KLHL33: variants seen among roughly 807,000 people sequenced by gnomAD.
KLHL33 encodes kelch like family member 33.
Under a neutral mutation model 60.8 loss-of-function variants are expected in KLHL33, and 46 were observed. The ratio of observed to expected loss-of-function variants is 0.76; its 90% CI spans 0.60 to 0.97. The LOEUF is 0.97. KLHL33 is among the 50% of genes least tolerant of loss of function. KLHL33 has a pLI of 0.00. For missense variants in KLHL33, 1,055 were observed against 1,000.0 expected, an observed-to-expected ratio of 1.05 and a Z score of -0.74; for synonymous variants, 434 against 432.2, an observed-to-expected ratio of 1.00 and a Z score of -0.05.
chr14:20,432,926 A>AAAAGAAAGAAGG (rs545614220), intron 2 of KLHL33, among the ~76,000 whole-genome samples: 24 of 104,744 alleles, frequency 2.3e-4, no homozygotes, highest in Non-Finnish European at 3.9e-4. Context: ...CATCTCAAAA[A>AAAAGAAAGAAGG]AAAGAAAGAA....
Position 20,426,516 on chromosome 14 carries a change from A to G in KLHL33, c.*2333T>C, listed in dbSNP as rs1416114441. ...TCTCAAAAAAAAAAAAAAAAAAAAG[A>G]AAAAGAAAATTGACAACAGGTGCTG... On this transcript the variant is annotated 3_prime_UTR_variant, in exon 5 of 5. Coordinates refer to ENST00000636854, the MANE Select transcript of KLHL33 (RefSeq NM_001365790.2). 1 of 150,326 alleles carries G rather than the reference A, an allele frequency of 6.7e-6. No individual in the cohort carries two copies. Among genetic ancestry groups the G allele is most frequent in the East Asian group, 1.9e-4 (1 of 5,176 alleles). 9.3% of individuals were successfully genotyped at this position (150,326 alleles called of 1,614,324 possible).
At position 20,435,395 on chromosome 14, in the gene KLHL33, T is replaced by A; in HGVS notation, c.417A>T (p.Arg139=). The part of the protein sequence containing the change: ...VILAAISSLF[R]DRLLGGGGPR... ...GACCTCCGCCGCCCAGCAGCCTGTCTCGGAAGAGGCTGCTGATTGCGGCCA... is the reference window on the plus strand; with the variant it reads ...GACCTCCGCCGCCCAGCAGCCTGTCACGGAAGAGGCTGCTGATTGCGGCCA... Residue 139 remains arginine (R), a synonymous_variant, in exon 2 of 5, where the codon CGA becomes CGT. Transcript: ENST00000636854. The A allele has an allele frequency of 8.1e-7, 1 of 1,234,312 alleles. No homozygotes were observed. Among genetic ancestry groups the A allele is most frequent in the Admixed American group, 4.2e-5 (1 of 23,730 alleles). 76.5% of individuals were successfully genotyped at this position (1,234,312 alleles called of 1,614,324 possible). A position where few individuals can be genotyped will look rare whatever the true frequency, so the allele number is the denominator to read the frequency against.
Position 20,430,669 on chromosome 14 carries a change from G to A in KLHL33, c.799C>T (p.Leu267=). ...CCCTGGGATTCCCTCATCCCGCTCA[G>A]GAGCATGGCCCCAAAGAACTCACTG... The part of the protein sequence containing the change: ...CGSEFFGAML[L]SGMRESQGTE... The change falls in exon 3 of 5, where the codon CTG becomes TTG. Residue 267 remains leucine (L), a synonymous_variant. Coordinates refer to ENST00000636854, the MANE Select transcript of KLHL33 (RefSeq NM_001365790.2). 1 of 1,534,320 alleles carries A rather than the reference G, an allele frequency of 6.5e-7. No individual in the cohort carries two copies. The highest frequency in any genetic ancestry group is 2.0e-5 in the Admixed American group (1 of 50,942).
intron 2 of KLHL33, among the ~76,000 whole-genome samples, chr14:20,431,719 C>T (rs1445700979): frequency 6.6e-6 from 1 of 152,218 alleles, no homozygotes. Context: ...GAGCGAGACT[C>T]CATCTCAAAA....
chr14:20,431,146 A>G (rs1351217237), intron 2 of KLHL33, among the ~76,000 whole-genome samples: 2 of 152,222 alleles, frequency 1.3e-5, no homozygotes, highest in Non-Finnish European at 2.9e-5. Flanking sequence ...CAAGCAACTT[A>G]TATAGGTCTG....
At position 20,429,305 on chromosome 14, in the gene KLHL33, T is replaced by C. The variant is rs1880405772; in HGVS notation, c.1938A>G (p.Gln646=). The C allele has an allele frequency of 1.3e-6, 2 of 1,551,682 alleles. No homozygotes were observed. The highest frequency in any genetic ancestry group is 1.7e-6 in the Non-Finnish European group (2 of 1,146,976). Residue 646 remains glutamine (Q), a synonymous_variant, in exon 5 of 5, where the codon CAA becomes CAG. Coordinates refer to ENST00000636854, the MANE Select transcript of KLHL33 (RefSeq NM_001365790.2). ...CATAGTGCATCAGTGAGGCCAGGTA[T>C]TGGCCAGTCCCACCACAGCCACCGC... The part of the protein sequence containing the change: ...YVSGGCGGTG[Q]YLASLMHYDP...
chr14:20,428,738 T>G lies in KLHL33; in HGVS notation c.*111A>C. 132 of 968,572 alleles carry G rather than the reference T, an allele frequency of 1.4e-4. No individual in the cohort carries two copies. Among genetic ancestry groups the G allele is most frequent in the Non-Finnish European group, 1.9e-4 (125 of 653,848 alleles). 60.0% of individuals were successfully genotyped at this position (968,572 alleles called of 1,614,324 possible). A position where few individuals can be genotyped will look rare whatever the true frequency, so the allele number is the denominator to read the frequency against. On this transcript the variant is annotated 3_prime_UTR_variant, in exon 5 of 5. Transcript: ENST00000636854. ...CAAAAGCAGTTTACAATGCACAGTG[T>G]GAGAATAAAATACTACCAAGAATAA...
chr14:20,435,232 T>C lies in KLHL33; in HGVS notation c.580A>G (p.Lys194Glu), dbSNP rs1386273651. ...AAEALGAPRV[K>E]AAAQQTCERA... Reference sequence around the variant, plus strand: ...TCGCATGTCTGCTGGGCAGCAGCCTTCACCCGGGGCGCTCCCAGCGCCTCT... The same window carrying C: ...TCGCATGTCTGCTGGGCAGCAGCCTCCACCCGGGGCGCTCCCAGCGCCTCT... Residue 194 changes from lysine to glutamate, a missense_variant, in exon 2 of 5, where the codon AAG becomes GAG. Transcript: ENST00000636854. 3.6e-5 allele frequency: 44 copies of C among 1,234,276 alleles called. No homozygotes were observed. Among genetic ancestry groups the C allele is most frequent in the Non-Finnish European group, 4.0e-5 (40 of 988,198 alleles). The allele number at this position is 1,234,276 out of a possible 1,614,324, so 76.5% of individuals were successfully genotyped here.
intron 2 of KLHL33, 46 bp from the exon 3 acceptor site, chr14:20,430,765 G>T: frequency 7.5e-7 from 1 of 1,330,128 alleles, no homozygotes; most frequent in South Asian, 1.5e-5. Context: ...AGTATTGCAA[G>T]ACCGATAGGC....
chr14:20,428,721 G>T lies in KLHL33; in HGVS notation c.*128C>A. The stretch of plus-strand genomic sequence containing the variant: ...AACGGAGATCATACGTACAAAAGCA[G>T]TTTACAATGCACAGTGTGAGAATAA... On this transcript the variant is annotated 3_prime_UTR_variant, in exon 5 of 5. Coordinates refer to ENST00000636854, the MANE Select transcript of KLHL33 (RefSeq NM_001365790.2). 1.2e-6 allele frequency: 1 copy of T among 855,956 alleles called. No individual in the cohort carries two copies. The allele number at this position is 855,956 out of a possible 1,614,324, so 53.0% of individuals were successfully genotyped here.
Position 20,428,159 on chromosome 14 carries a change from C to T in KLHL33, c.*690G>A, listed in dbSNP as rs1880351187. 3 of 152,516 alleles carry T rather than the reference C, an allele frequency of 2.0e-5. No individual in the cohort carries two copies. The highest frequency in any genetic ancestry group is 4.4e-5 in the Non-Finnish European group (3 of 68,256). 9.4% of individuals were successfully genotyped at this position (152,516 alleles called of 1,614,324 possible). A position where few individuals can be genotyped will look rare whatever the true frequency, so the allele number is the denominator to read the frequency against. On this transcript the variant is annotated 3_prime_UTR_variant, in exon 5 of 5. Transcript: ENST00000636854. ...GCCTCTGCCCCCATCATCTTTCCCA[C>T]ACAACACTCCTGCCACATGGCCCTG...
chr14:20,430,222 C>A lies in KLHL33; in HGVS notation c.1246G>T (p.Glu416Ter). 6.4e-7 allele frequency: 1 copy of A among 1,551,584 alleles called. No homozygotes were observed. Among genetic ancestry groups the A allele is most frequent in the Non-Finnish European group, 8.7e-7 (1 of 1,146,990 alleles). The change falls in exon 3 of 5, where the codon GAG becomes TAG. Residue 416 changes from glutamate to a stop codon, truncating the protein, a stop_gained. Coordinates refer to ENST00000636854, the MANE Select transcript of KLHL33 (RefSeq NM_001365790.2). LOFTEE classifies it high-confidence loss of function. ...CWLAANPETQ[E>*]SEAKALLRCV... ...CGCAGCAGGGCCTTGGCCTCTGACT[C>A]CTGGGTCTCGGGGTTGGCAGCCAGC... is the stretch of plus-strand genomic sequence containing the variant.
At position 20,430,017 on chromosome 14, in the gene KLHL33, CT is replaced by C; in HGVS notation, c.1450del (p.Arg484AspfsTer6). 6.4e-7 allele frequency: 1 copy of C among 1,551,724 alleles called. No individual in the cohort carries two copies. Among genetic ancestry groups the C allele is most frequent in the Non-Finnish European group, 8.7e-7 (1 of 1,146,990 alleles). ...TGGTTGTCTTAGGGCCATGTCTGGTCTGAGCCCATCCCCGCCAATCACTACC... is the reference window on the plus strand; with the variant it reads ...TGGTTGTCTTAGGGCCATGTCTGGTCGAGCCCATCCCCGCCAATCACTACC... Reference protein sequence around the residue: ...ALVVIGGDGLRPDMALRQPSR... With the variant: ...ALVVIGGDGLXPDMALRQPSR... On this transcript the variant is annotated frameshift_variant, in exon 3 of 5. Transcript: ENST00000636854. LOFTEE classifies it high-confidence loss of function.
In KLHL33 at chr14:20,428,852, C is replaced by A. The variant is rs1032300658; in HGVS notation, c.2391G>T (p.Gly797=). Residue 797 remains glycine, a synonymous_variant, in exon 5 of 5, where the codon GGG becomes GGT. Coordinates refer to ENST00000636854, the MANE Select transcript of KLHL33 (RefSeq NM_001365790.2). ...VPTPHQTKPA[G] ...CCCATACACTGTTGCTCCCTCTTCA[C>A]CCAGCAGGTTTGGTTTGGTGTGGGG... The A allele has an allele frequency of 2.1e-5, 33 of 1,549,186 alleles. No homozygotes were observed. The Admixed American group carries it at 6.3e-4, about 30-fold the overall frequency.
In KLHL33 at chr14:20,429,379, G is replaced by A. The variant is rs1317274220; in HGVS notation, c.1864C>T (p.Pro622Ser). The A allele has an allele frequency of 6.4e-7, 1 of 1,551,622 alleles. No individual in the cohort carries two copies. Among genetic ancestry groups the A allele is most frequent in the Admixed American group, 2.0e-5 (1 of 50,986 alleles). ...VWRPAPALPAPCFAHAAAILE... is the reference protein window; with the variant it reads ...VWRPAPALPASCFAHAAAILE... Reference sequence around the variant, plus strand: ...ATCGCAGCTGCGTGGGCAAAACATGGTGCTGGAAGTGCAGGTGCTGGCCTA... The same window carrying A: ...ATCGCAGCTGCGTGGGCAAAACATGATGCTGGAAGTGCAGGTGCTGGCCTA... Residue 622 changes from proline (P) to serine (S), a missense_variant, in exon 5 of 5, where the codon CCA (proline) becomes TCA (serine). By Grantham distance (74) the Pro-to-Ser change is moderately conservative. Transcript: ENST00000636854.
At chr14:20,434,726 T>G (rs1295075246) in intron 2 of KLHL33, among the ~76,000 whole-genome samples, 61 of 152,160 alleles carry the variant, frequency 4.0e-4, no homozygotes, top group African/African-American at 2.4e-5. Context: ...GAAGGGCCTT[T>G]TGTTAATTTC....
intron 2 of KLHL33, among the ~76,000 whole-genome samples, chr14:20,432,870 C>A (rs925775804): frequency 2.0e-5 from 3 of 147,170 alleles, no homozygotes; most frequent in African/African-American, 7.6e-5. Flanking sequence ...TGCAGTGAGC[C>A]GAGATCGTGC....
At position 20,427,909 on chromosome 14, in the gene KLHL33, A is replaced by T. The variant is rs1880342750; in HGVS notation, c.*940T>A. 1 of 152,260 alleles carries T rather than the reference A, an allele frequency of 6.6e-6. No individual in the cohort carries two copies. The highest frequency in any genetic ancestry group is 2.4e-5 in the African/African-American group (1 of 41,450). The allele number at this position is 152,260 out of a possible 1,614,324, so 9.4% of individuals were successfully genotyped here. On this transcript the variant is annotated 3_prime_UTR_variant, in exon 5 of 5. Transcript: ENST00000636854. ...TTTAAAAATAACTCTGGGGGAAAGG[A>T]ACTGAAAGGGGGAAATGACTTTTCT...
At chr14:20,433,381 G>C (rs1451383589) in intron 2 of KLHL33, among the ~76,000 whole-genome samples, 1 of 152,202 alleles carries the variant, frequency 6.6e-6, no homozygotes, top group East Asian at 1.9e-4. Flanking sequence ...TGAGGCATGC[G>C]TGCCTTTCCC....
Sources: allele counts gnomAD v4.1 joint callset (sites outside exome capture counted in the v4.1 genomes callset), GRCh38; gene constraint gnomAD v4.1.1; transcripts MANE v1.5; gene names NCBI Gene and HGNC (gene_info 2026-07-23, HGNC 2026-07-21).